Variants in SYK observed in about 807,000 individuals in gnomAD.
The protein encoded by SYK is spleen associated tyrosine kinase, also known as tyrosine-protein kinase SYK.
SYK carries 16 observed loss-of-function variants against 77.8 expected under a neutral mutation model. That is an observed-to-expected ratio of 0.21 (90% CI 0.14 to 0.31). SYK has a LOEUF of 0.31. Ranked by LOEUF, SYK falls within the 10% of genes least tolerant of loss-of-function variation. SYK has a pLI of 1.00. For missense variants in SYK, 529 were observed against 814.4 expected, an observed-to-expected ratio of 0.65 and a Z score of 4.26; for synonymous variants, 312 against 308.7, an observed-to-expected ratio of 1.01 and a Z score of -0.11.
At chr9:90,890,758 A>T (rs372810422) in intron 13 of SYK, among the ~76,000 whole-genome samples, 1 of 152,244 alleles carries the variant, frequency 6.6e-6, no homozygotes, top group Non-Finnish European at 1.5e-5. Context: ...AGTGACCTCA[A>T]ACAGGGTTGG....
intron 1 of SYK, among the ~76,000 whole-genome samples, chr9:90,802,815 T>TTAAAAAAAAAA (rs71509663): frequency 1.5e-4 from 9 of 58,676 alleles, no homozygotes; most frequent in African/African-American, 6.5e-4. Context: ...CAGCGTGTAG[T>TTAAAAAAAAAA]AAAAAAAAAA....
intron 1 of SYK, among the ~76,000 whole-genome samples, chr9:90,824,556 C>G (rs72729020): frequency 0.019 from 2,910 of 152,108 alleles, 96 homozygotes; most frequent in East Asian, 0.15. Context: ...GTATGCAAAA[C>G]AGGTTCAACA....
intron 1 of SYK, among the ~76,000 whole-genome samples, chr9:90,812,869 C>G (rs1010560893): frequency 2.0e-5 from 3 of 152,002 alleles, no homozygotes; most frequent in Non-Finnish European, 4.4e-5. Flanking sequence ...AGGTTTGCCA[C>G]TCTGCAGAAC....
intron 1 of SYK, among the ~76,000 whole-genome samples, chr9:90,835,396 G>A (rs1345691317): frequency 6.6e-6 from 1 of 152,200 alleles, no homozygotes; most frequent in African/African-American, 2.4e-5. Flanking sequence ...ACTGGGGCCG[G>A]TGCACTTTTA....
chr9:90,838,594 T>C (rs578069202), intron 1 of SYK, among the ~76,000 whole-genome samples: 1 of 152,272 alleles, frequency 6.6e-6, no homozygotes, highest in African/African-American at 2.4e-5. Context: ...CCTGCCCAGG[T>C]GTTCACTGAG....
Position 90,845,490 on chromosome 9 carries a change from C to T in SYK, c.474C>T (p.Ile158=), listed in dbSNP as rs200921683. ...AGAAGCCTCAGCTGGAGAAGCTGAT[C>T]GCTACCACAGCCCATGAAAAAATGC... The part of the protein sequence containing the change: ...ISQKPQLEKL[I]ATTAHEKMPW... Residue 158 remains isoleucine (I), a synonymous_variant, in exon 3 of 14, where the codon ATC becomes ATT. Transcript: ENST00000375754. 2 of 1,614,026 alleles carry T rather than the reference C, an allele frequency of 1.2e-6. No homozygotes were observed. The highest frequency in any genetic ancestry group is 1.3e-5 in the African/African-American group (1 of 74,920).
intron 11 of SYK, among the ~76,000 whole-genome samples, chr9:90,885,172 A>G (rs971171023): frequency 6.6e-6 from 1 of 151,952 alleles, no homozygotes; most frequent in Admixed American, 6.6e-5. Context: ...CAGCAAAAAA[A>G]TCCCAATCAA....
chr9:90,886,602 G>C (rs1341927117), intron 11 of SYK, among the ~76,000 whole-genome samples: 1 of 152,192 alleles, frequency 6.6e-6, no homozygotes, highest in African/African-American at 2.4e-5. Flanking sequence ...CTACCTGGGA[G>C]GCTGAGGCAG....
chr9:90,882,062 G>T (rs76930919), intron 11 of SYK, among the ~76,000 whole-genome samples: 1 of 152,192 alleles, frequency 6.6e-6, no homozygotes, highest in East Asian at 1.9e-4. Flanking sequence ...AAAGTACAGT[G>T]CTCAAAGAAT....
intron 1 of SYK, 143 bp downstream of exon 1, chr9:90,802,036 A>C (rs1458022500): frequency 6.6e-6 from 1 of 152,274 alleles, no homozygotes; most frequent in African/African-American, 2.4e-5. Context: ...TGAATAAAAT[A>C]CAGGTGGGTT....
Position 90,844,097 on chromosome 9 carries a change from G to A in SYK, c.199G>A (p.Glu67Lys), listed in dbSNP as rs757250931. Residue 67 changes from glutamate (E) to lysine (K), a missense_variant, in exon 2 of 14, where the codon GAG becomes AAG. Coordinates refer to ENST00000375754, the MANE Select transcript of SYK (RefSeq NM_003177.7). ...GAGGAAGGCACACCACTACACCATCGAGCGGGAGCTGAATGGCACCTACGC... is the reference window on the plus strand; with the variant it reads ...GAGGAAGGCACACCACTACACCATCAAGCGGGAGCTGAATGGCACCTACGC... ...HGRKAHHYTI[E>K]RELNGTYAIA... The A allele has an allele frequency of 3.1e-6, 5 of 1,613,220 alleles. No homozygotes were observed. Among genetic ancestry groups the A allele is most frequent in the Admixed American group, 3.3e-5 (2 of 59,934 alleles).
chr9:90,836,119 T>C lies in SYK; in HGVS notation c.-41-7739T>C, dbSNP rs563724075. 1.2e-4 allele frequency among the ~76,000 whole-genome samples: 19 copies of C among 152,080 alleles called. 1 individual carries two copies. In the East Asian group the frequency reaches 3.5e-3, roughly 28 times the overall value. On this transcript the variant is annotated intron_variant, in intron 1 of 13. Transcript: ENST00000375754. ...CTGGCTAACAAGGTGAAACCCCGTCTCTACTAAACATACAAAAGTTAGCCA... is the reference window on the plus strand; with the variant it reads ...CTGGCTAACAAGGTGAAACCCCGTCCCTACTAAACATACAAAAGTTAGCCA...
In SYK at chr9:90,858,802, C is replaced by T. The variant is rs552354514; in HGVS notation, c.579-3404C>T. ...GGCCTGTGGGTTTCCTTTCTCTGCT[C>T]TTGTTTCCTGCCACCTGCCACAGGG... On this transcript the variant is annotated intron_variant, in intron 3 of 13. Coordinates refer to ENST00000375754, the MANE Select transcript of SYK (RefSeq NM_003177.7). Among the ~76,000 whole-genome samples, 31 of 152,348 alleles carry T rather than the reference C, an allele frequency of 2.0e-4. No individual in the cohort carries two copies. The East Asian group carries it at 5.2e-3, about 26-fold the overall frequency.
intron 1 of SYK, among the ~76,000 whole-genome samples, chr9:90,813,308 C>T (rs530044170): frequency 9.9e-5 from 15 of 152,194 alleles, no homozygotes; most frequent in African/African-American, 2.9e-4. Flanking sequence ...GCTGCTACCT[C>T]CCCACCCCAG....
At chr9:90,830,867 GA>G (rs1455420488) in intron 1 of SYK, among the ~76,000 whole-genome samples, 1 of 152,130 alleles carries the variant, frequency 6.6e-6, no homozygotes, top group Non-Finnish European at 1.5e-5. Flanking sequence ...TTACAAGCGT[GA>G]GCCACCACAC....
Position 90,895,364 on chromosome 9 carries a change from T to C in SYK, c.1836-164T>C, listed in dbSNP as rs1828943428. On this transcript the variant is annotated intron_variant, in intron 13 of 13. Transcript: ENST00000375754. This position sits in a 1 kb window ranked among gnomAD's most constrained non-coding sequence, Gnocchi z 4.4. Reference sequence around the variant, plus strand: ...GACACTATTTTTGACAGCCTTGTGGTCACCCTGGGGTGGGGGGCACAGGGA... The same window carrying C: ...GACACTATTTTTGACAGCCTTGTGGCCACCCTGGGGTGGGGGGCACAGGGA... Among the ~76,000 whole-genome samples, 1 of 152,194 alleles carries C rather than the reference T, an allele frequency of 6.6e-6. No individual in the cohort carries two copies. Among genetic ancestry groups the C allele is most frequent in the South Asian group, 2.1e-4 (1 of 4,830 alleles).
intron 1 of SYK, among the ~76,000 whole-genome samples, chr9:90,840,784 G>A (rs1185574000): frequency 2.0e-5 from 3 of 152,210 alleles, no homozygotes; most frequent in Admixed American, 6.5e-5. Context: ...GTCAACTGCT[G>A]TGAGAGGCAA....
chr9:90,854,266 G>C (rs542129340), intron 3 of SYK, among the ~76,000 whole-genome samples: 1 of 152,306 alleles, frequency 6.6e-6, no homozygotes, highest in African/African-American at 2.4e-5. Flanking sequence ...ATGGAGCAGG[G>C]GCGGCTGCTC....
chr9:90,879,060 C>A, intron 11 of SYK, 107 bp downstream of exon 11: 1 of 805,596 alleles, frequency 1.2e-6, no homozygotes, highest in Non-Finnish European at 1.9e-6. Flanking sequence ...AGCAGTTTTG[C>A]TACTGAAAAA....
Sources: gnomAD v4.1 joint callset for allele counts (sites outside exome capture counted in the v4.1 genomes callset) on GRCh38, gnomAD v4.1.1 for gene constraint, Gnocchi (gnomAD v3.1) non-coding constraint, MANE v1.5 for transcripts, NCBI Gene and HGNC (gene_info 2026-07-23, HGNC 2026-07-21) for gene names.